TRIM49: variants seen among roughly 807,000 people sequenced by gnomAD.
TRIM49 encodes the protein tripartite motif-containing protein 49.
Under a neutral mutation model 27.4 loss-of-function variants are expected in TRIM49, and 5 were observed. That is an observed-to-expected ratio of 0.18 (90% CI 0.10 to 0.38). The LOEUF is 0.38. TRIM49 is among the 10% of genes least tolerant of loss of function. The probability of loss-of-function intolerance (pLI) is 1.00; values close to 1 mark genes in which losing one functional copy is unlikely to be tolerated. For synonymous variants in TRIM49, 69 were observed against 166.0 expected (o/e 0.42, Z 4.49); for missense variants, 188 against 487.5 (o/e 0.39, Z 5.79).
At chr11:89,790,590 G>A in the TRIM49 span, among the ~76,000 whole-genome samples, 1 of 151,978 alleles carries the variant, frequency 6.6e-6, no homozygotes, top group African/African-American at 2.4e-5. Flanking sequence ...TTGCTGTTCA[G>A]CAATATTCAC....
the TRIM49 span, chr11:89,785,989 G>T: frequency 7.3e-6 from 1 of 137,822 alleles, no homozygotes; most frequent in Non-Finnish European, 1.5e-5. Flanking sequence ...GGCGGGGCGC[G>T]CTGCATGATC....
downstream of TRIM49, among the ~76,000 whole-genome samples, chr11:89,793,683 G>T (rs1204052559): frequency 6.6e-6 from 1 of 151,944 alleles, no homozygotes; most frequent in Non-Finnish European, 1.5e-5. Flanking sequence ...AAATTCAACA[G>T]CCCCTCATGC....
chr11:89,785,793 A>G, the TRIM49 span, among the ~76,000 whole-genome samples: 1 of 145,350 alleles, frequency 6.9e-6, no homozygotes, highest in East Asian at 2.1e-4. Flanking sequence ...ATTAAAATAA[A>G]AACAAACTTA....
At chr11:89,773,219 T>C in the TRIM49 span, among the ~76,000 whole-genome samples, 26 of 133,240 alleles carry the variant, frequency 2.0e-4, 3 homozygotes, top group African/African-American at 7.4e-4. Flanking sequence ...ATTATTATTA[T>C]TGTGTAAATA....
At chr11:89,787,795 C>G in the TRIM49 span, 2 of 556,376 alleles carry the variant, frequency 3.6e-6, no homozygotes, top group Non-Finnish European at 6.4e-6. Flanking sequence ...AGCGCCAGGC[C>G]AAGGTGCAGG....
downstream of TRIM49, among the ~76,000 whole-genome samples, chr11:89,797,361 A>C (rs1949698912): frequency 2.0e-5 from 3 of 151,648 alleles, no homozygotes; most frequent in Non-Finnish European, 4.4e-5. Flanking sequence ...ATCATTATCA[A>C]TATAAATGAA....
At chr11:89,804,663 A>C (rs1346491068) in intron 2 of TRIM49, among the ~76,000 whole-genome samples, 190 bp from the exon 3 acceptor site, 1 of 151,666 alleles carries the variant, frequency 6.6e-6, no homozygotes, top group African/African-American at 2.4e-5. Flanking sequence ...AACAGATATT[A>C]CTAACCAGAG....
At chr11:89,774,217 G>C in the TRIM49 span, among the ~76,000 whole-genome samples, 3 of 150,784 alleles carry the variant, frequency 2.0e-5, 1 homozygote, top group African/African-American at 5.0e-5. Flanking sequence ...GGCCAGGCTG[G>C]TCTTGAACTC....
chr11:89,806,257 G>T (rs573372799), intron 2 of TRIM49, among the ~76,000 whole-genome samples: 2 of 151,034 alleles, frequency 1.3e-5, no homozygotes, highest in South Asian at 4.2e-4. Flanking sequence ...AATCTTATGG[G>T]ACCCCCATAT....
the TRIM49 span, chr11:89,777,061 A>G: frequency 6.5e-7 from 1 of 1,549,824 alleles, no homozygotes; most frequent in South Asian, 1.2e-5. Context: ...ACCGGTCACC[A>G]TTGACTGTGG....
chr11:89,800,869 C>G, intron 6 of TRIM49, 97 bp downstream of exon 6: 1 of 685,538 alleles, frequency 1.5e-6, no homozygotes, highest in Non-Finnish European at 2.4e-6. Flanking sequence ...AAAGTGGTAT[C>G]AATATCTTAA....
chr11:89,803,706 A>G lies in TRIM49; in HGVS notation c.499T>C (p.Cys167Arg), dbSNP rs1300683418. Residue 167 changes from cysteine to arginine, a missense_variant, in exon 4 of 8, where the codon TGC (cysteine) becomes CGC (arginine). By Grantham distance (180) the Cys-to-Arg change is radical. Coordinates refer to ENST00000329758, the MANE Select transcript of TRIM49 (RefSeq NM_020358.2). ...NLNVETTRTR[C>R]WKDYVNLRLE... Reference sequence around the variant, plus strand: ...AGTAGTACAGGACTAACCTTCCAGCATCTGGTTCTGGTGGTTTCCACATTC... The same window carrying G: ...AGTAGTACAGGACTAACCTTCCAGCGTCTGGTTCTGGTGGTTTCCACATTC... The G allele has an allele frequency of 7.8e-7, 1 of 1,274,280 alleles. No homozygotes were observed. Among genetic ancestry groups the G allele is most frequent in the African/African-American group, 1.5e-5 (1 of 65,072 alleles). 78.9% of individuals were successfully genotyped at this position (1,274,280 alleles called of 1,614,324 possible). A position where few individuals can be genotyped will look rare whatever the true frequency, so the allele number is the denominator to read the frequency against.
downstream of TRIM49, among the ~76,000 whole-genome samples, chr11:89,794,703 G>A (rs1949676461): frequency 6.9e-6 from 1 of 144,692 alleles, no homozygotes; most frequent in Non-Finnish European, 1.5e-5. Context: ...AGCTGAAACT[G>A]GATCCCTTCC....
At chr11:89,803,045 C>T (rs1397730282) in intron 4 of TRIM49, among the ~76,000 whole-genome samples, 1 of 150,660 alleles carries the variant, frequency 6.6e-6, no homozygotes. Context: ...AATATACATC[C>T]ACGAAGAGAA....
chr11:89,792,840 G>A (rs1447391527), downstream of TRIM49, among the ~76,000 whole-genome samples: 6 of 152,138 alleles, frequency 3.9e-5, no homozygotes, highest in South Asian at 1.2e-3. Flanking sequence ...AAGAACTAGA[G>A]AAGCAAGAGC....
downstream of TRIM49, among the ~76,000 whole-genome samples, chr11:89,796,143 C>T (rs1949687479): frequency 1.3e-5 from 2 of 152,086 alleles, no homozygotes; most frequent in South Asian, 4.1e-4. Context: ...ATGTAGCTAT[C>T]CCAGCTTTCT....
downstream of TRIM49, among the ~76,000 whole-genome samples, chr11:89,796,545 A>T (rs1444825806): frequency 1.4e-5 from 2 of 144,370 alleles, no homozygotes; most frequent in African/African-American, 2.7e-5. Context: ...CTCCTATTTT[A>T]TTCTACTACC....
the TRIM49 span, chr11:89,781,970 C>T: frequency 3.3e-6 from 5 of 1,529,966 alleles, no homozygotes; most frequent in South Asian, 4.8e-5. Context: ...AGATGACCAT[C>T]TCAGTGCTCC....
chr11:89,798,818 GT>G (rs75501184), intron 7 of TRIM49, among the ~76,000 whole-genome samples, 189 bp from the exon 8 acceptor site: 8,268 of 100,450 alleles, frequency 0.082, 811 homozygotes, highest in East Asian at 0.21. Context: ...CAGATATTAT[GT>G]TTTTTTTTTG....
Sources: gnomAD v4.1 joint callset for allele counts (sites outside exome capture counted in the v4.1 genomes callset) on GRCh38, gnomAD v4.1.1 for gene constraint, MANE v1.5 for transcripts, NCBI Gene and HGNC (gene_info 2026-07-23, HGNC 2026-07-21) for gene names.